LRFN2: variants seen among roughly 807,000 people sequenced by gnomAD.
The protein encoded by LRFN2 is leucine-rich repeat and fibronectin type-III domain-containing protein 2.
In LRFN2, 18 loss-of-function variants were observed where a neutral mutation model predicts 37.3. That is an observed-to-expected ratio of 0.48 (90% CI 0.33 to 0.72). The LOEUF is 0.72. Ranked by LOEUF, LRFN2 falls within the 30% of genes least tolerant of loss-of-function variation. The pLI is 0.02. For missense variants in LRFN2, 1,006 were observed against 1,060.7 expected (o/e 0.95, Z 0.72); for synonymous variants, 556 against 466.6 (o/e 1.19, Z -2.47).
intron 2 of LRFN2, among the ~76,000 whole-genome samples, chr6:40,394,037 G>T (rs1359370206): frequency 6.6e-6 from 1 of 152,154 alleles, no homozygotes; most frequent in Admixed American, 6.5e-5. Flanking sequence ...CCTAGTTGTA[G>T]TAGGCCAGGC....
At chr6:40,436,080 G>A (rs950550136) in intron 1 of LRFN2, among the ~76,000 whole-genome samples, 5 of 152,056 alleles carry the variant, frequency 3.3e-5, no homozygotes, top group Admixed American at 6.5e-5. Context: ...TTTTGATAAT[G>A]TATTTTATAT....
At chr6:40,571,630 C>T (rs1027395370) in intron 1 of LRFN2, among the ~76,000 whole-genome samples, 1 of 152,214 alleles carries the variant, frequency 6.6e-6, no homozygotes, top group African/African-American at 2.4e-5. Context: ...GCAATTTGGG[C>T]ACCCAATGTG....
chr6:40,574,863 G>A (rs967404242), intron 1 of LRFN2, among the ~76,000 whole-genome samples: 1 of 152,124 alleles, frequency 6.6e-6, no homozygotes, highest in Non-Finnish European at 1.5e-5. Flanking sequence ...ACATCCTCAG[G>A]CTCAGGACCC....
At chr6:40,508,261 A>AG (rs1184374274) in intron 1 of LRFN2, among the ~76,000 whole-genome samples, 3 of 152,228 alleles carry the variant, frequency 2.0e-5, no homozygotes, top group Non-Finnish European at 4.4e-5. Flanking sequence ...GCTGCAGGTA[A>AG]GGGGCAGATC....
chr6:40,540,800 G>C (rs1430864768), intron 1 of LRFN2, among the ~76,000 whole-genome samples: 1 of 152,170 alleles, frequency 6.6e-6, no homozygotes, highest in African/African-American at 2.4e-5. Flanking sequence ...GATGCCCAAG[G>C]AGCACAGCAG....
chr6:40,403,426 G>C (rs1401331830), intron 2 of LRFN2, among the ~76,000 whole-genome samples: 1 of 152,186 alleles, frequency 6.6e-6, no homozygotes, highest in Non-Finnish European at 1.5e-5. Flanking sequence ...GGGACCAGAG[G>C]CCTGGGGTTG....
chr6:40,536,205 G>A (rs1188847325), intron 1 of LRFN2, among the ~76,000 whole-genome samples: 1 of 152,098 alleles, frequency 6.6e-6, no homozygotes, highest in African/African-American at 2.4e-5. Flanking sequence ...CTCCCAGGGT[G>A]AGTGGGGGGC....
At chr6:40,534,154 A>G (rs934157533) in intron 1 of LRFN2, among the ~76,000 whole-genome samples, 3 of 152,176 alleles carry the variant, frequency 2.0e-5, no homozygotes, top group Non-Finnish European at 4.4e-5. Flanking sequence ...ACTTTCGAAC[A>G]TTCCAGGGGG....
At chr6:40,580,090 A>G (rs1049266919) in intron 1 of LRFN2, among the ~76,000 whole-genome samples, 4 of 152,194 alleles carry the variant, frequency 2.6e-5, no homozygotes, top group African/African-American at 9.6e-5. Context: ...GGATACATTG[A>G]TGATGAGCGT....
intron 2 of LRFN2, among the ~76,000 whole-genome samples, chr6:40,398,161 C>T (rs979443462): frequency 2.6e-5 from 4 of 151,832 alleles, no homozygotes; most frequent in African/African-American, 7.2e-5. Flanking sequence ...TGGGGCTGAC[C>T]TCTGCATCGT....
intron 1 of LRFN2, among the ~76,000 whole-genome samples, chr6:40,525,910 A>G (rs1766241465): frequency 6.6e-6 from 1 of 152,184 alleles, no homozygotes; most frequent in South Asian, 2.1e-4. Context: ...CTGTGCTGAA[A>G]TGAACCCCCC....
At chr6:40,519,263 T>A (rs1418425505) in intron 1 of LRFN2, among the ~76,000 whole-genome samples, 1 of 152,146 alleles carries the variant, frequency 6.6e-6, no homozygotes, top group Non-Finnish European at 1.5e-5. Context: ...CCCTTTAAAA[T>A]CAAGAAAACT....
At chr6:40,574,830 T>G (rs535793452) in intron 1 of LRFN2, among the ~76,000 whole-genome samples, 1 of 152,198 alleles carries the variant, frequency 6.6e-6, no homozygotes, top group East Asian at 1.9e-4. Flanking sequence ...CAAGGATGGC[T>G]CCTTGGAGTC....
At chr6:40,492,740 C>T (rs1765121437) in intron 1 of LRFN2, among the ~76,000 whole-genome samples, 1 of 152,100 alleles carries the variant, frequency 6.6e-6, no homozygotes, top group African/African-American at 2.4e-5. Context: ...AACAGGCCCC[C>T]AAGGAGGGCA....
chr6:40,435,360 A>G (rs537137287), intron 1 of LRFN2, among the ~76,000 whole-genome samples: 1 of 151,660 alleles, frequency 6.6e-6, no homozygotes, highest in Non-Finnish European at 1.5e-5. Flanking sequence ...AGATTTTGCT[A>G]TGTTGCCCAG....
At chr6:40,518,661 T>C (rs1452040987) in intron 1 of LRFN2, among the ~76,000 whole-genome samples, 1 of 152,182 alleles carries the variant, frequency 6.6e-6, no homozygotes, top group African/African-American at 2.4e-5. Context: ...CAACCCCTCC[T>C]TGAGCCAGTA....
chr6:40,461,387 GAT>G (rs1263982335), intron 1 of LRFN2, among the ~76,000 whole-genome samples: 1 of 152,048 alleles, frequency 6.6e-6, no homozygotes, highest in Non-Finnish European at 1.5e-5. Flanking sequence ...CAGCCTGGGT[GAT>G]AGAGTGAGAC....
chr6:40,422,807 C>T (rs967629422), intron 2 of LRFN2, among the ~76,000 whole-genome samples: 3 of 152,130 alleles, frequency 2.0e-5, no homozygotes, highest in Non-Finnish European at 2.9e-5. Flanking sequence ...ACTAACCAAA[C>T]GTATGTACAA....
intron 2 of LRFN2, 42 bp downstream of exon 2, chr6:40,431,672 A>G (rs1763486552): frequency 6.7e-7 from 1 of 1,482,222 alleles, no homozygotes; most frequent in African/African-American, 1.4e-5. Flanking sequence ...CTCCTTCCCC[A>G]GCCAGACACC....
Sources: gnomAD v4.1 joint callset for allele counts (sites outside exome capture counted in the v4.1 genomes callset) on GRCh38, gnomAD v4.1.1 for gene constraint, MANE v1.5 for transcripts, NCBI Gene and HGNC (gene_info 2026-07-23, HGNC 2026-07-21) for gene names.